Variants in ELAPOR1 observed in about 807,000 individuals in gnomAD.
The protein encoded by ELAPOR1 is endosome/lysosome-associated apoptosis and autophagy regulator 1.
A neutral mutation model predicts 119.7 loss-of-function variants in ELAPOR1; 77 were observed. That is an observed-to-expected ratio of 0.64 (90% confidence interval 0.54 to 0.78). ELAPOR1 has a LOEUF of 0.78. Among genes scored for constraint, ELAPOR1 ranks in the 30% least tolerant of loss-of-function variants. ELAPOR1 has a pLI of 0.00. For synonymous variants in ELAPOR1, 481 were observed against 487.2 expected (o/e 0.99, Z 0.17); for missense variants, 1,115 against 1,270.4 (o/e 0.88, Z 1.86).
At position 109,197,546 on chromosome 1, in the gene ELAPOR1, A is replaced by T; in HGVS notation, c.2194A>T (p.Lys732Ter). The T allele has an allele frequency of 1.2e-6, 2 of 1,614,190 alleles. No individual in the cohort carries two copies. Among genetic ancestry groups the T allele is most frequent in the Non-Finnish European group, 1.7e-6 (2 of 1,180,032 alleles). ...TCCTGAGGGTGAGTCAGGGTTCTCC[A>T]AATCTATCACAGCCTACGTCTGCCA... is the stretch of plus-strand genomic sequence containing the variant. ...RIPEGESGFS[K>*]SITAYVCQAV... Residue 732 changes from lysine to a stop codon, truncating the protein, a stop_gained, in exon 16 of 22, where the codon AAA (lysine) becomes TAA (stop). Coordinates refer to ENST00000369939, the MANE Select transcript of ELAPOR1 (RefSeq NM_020775.5). LOFTEE classifies it high-confidence loss of function.
At chr1:109,175,343 C>G (rs1570686977) in intron 7 of ELAPOR1, among the ~76,000 whole-genome samples, 1 of 151,290 alleles carries the variant, frequency 6.6e-6, no homozygotes, top group Admixed American at 6.6e-5. Flanking sequence ...GCTGGGATTA[C>G]AGGCGTGCAC....
At chr1:109,199,303 C>T (rs967711527) in intron 18 of ELAPOR1, among the ~76,000 whole-genome samples, 3 of 152,188 alleles carry the variant, frequency 2.0e-5, no homozygotes, top group Admixed American at 6.5e-5. Flanking sequence ...TTGAGGAAGA[C>T]GTTTTGGATA....
chr1:109,185,919 G>C (rs1396265347), intron 8 of ELAPOR1, among the ~76,000 whole-genome samples: 1 of 152,194 alleles, frequency 6.6e-6, no homozygotes, highest in Non-Finnish European at 1.5e-5. Context: ...CTCTGTGCCA[G>C]GCACGGTGCT....
intron 7 of ELAPOR1, among the ~76,000 whole-genome samples, chr1:109,180,625 A>T (rs1219802991): frequency 6.6e-6 from 1 of 152,234 alleles, no homozygotes; most frequent in Non-Finnish European, 1.5e-5. Flanking sequence ...CAGTAATTTT[A>T]TTAATTCATT....
intron 1 of ELAPOR1, among the ~76,000 whole-genome samples, chr1:109,153,486 G>T (rs1389992857): frequency 6.6e-6 from 1 of 152,182 alleles, no homozygotes; most frequent in African/African-American, 2.4e-5. Flanking sequence ...ATGGAAAAAA[G>T]TCAGAAAACA....
chr1:109,196,449 T>C (rs2478762), intron 15 of ELAPOR1, among the ~76,000 whole-genome samples: 106,953 of 152,104 alleles, frequency 0.7, 39,182 homozygotes, highest in East Asian at 0.97. Context: ...GTAGCAAAAG[T>C]GTCATTCAGT....
At chr1:109,114,373 C>A (rs1647836908) in intron 1 of ELAPOR1, 37 bp downstream of exon 1, 2 of 1,532,404 alleles carry the variant, frequency 1.3e-6, no homozygotes, top group African/African-American at 2.8e-5. Context: ...GCTTTGGTCA[C>A]AAAAGTCTTG....
At chr1:109,140,758 A>C (rs1475496527) in intron 1 of ELAPOR1, among the ~76,000 whole-genome samples, 1 of 152,252 alleles carries the variant, frequency 6.6e-6, no homozygotes, top group Non-Finnish European at 1.5e-5. Context: ...GACAATGCTG[A>C]GACTGGTATT....
At position 109,194,427 on chromosome 1, in the gene ELAPOR1, T is replaced by A. The variant is rs1472368783; in HGVS notation, c.1954T>A (p.Ser652Thr). The A allele has an allele frequency of 6.2e-7, 1 of 1,613,404 alleles. No individual in the cohort carries two copies. Among genetic ancestry groups the A allele is most frequent in the African/African-American group, 1.3e-5 (1 of 74,880 alleles). ...GPGTKNNKIH[S>T]LCYNDCTFSR... The stretch of plus-strand genomic sequence containing the variant: ...CCGTCCCTCTCCCCCTCAGATCCAC[T>A]CTCTGTGCTACAACGATTGCACCTT... Residue 652 changes from serine to threonine, a missense_variant, in exon 15 of 22, where the codon TCT becomes ACT. Coordinates refer to ENST00000369939, the MANE Select transcript of ELAPOR1 (RefSeq NM_020775.5).
chr1:109,120,986 C>T (rs1648371252), intron 1 of ELAPOR1, among the ~76,000 whole-genome samples: 1 of 152,182 alleles, frequency 6.6e-6, no homozygotes. Flanking sequence ...ATCTACTGCT[C>T]TCTATTCTAT....
intron 1 of ELAPOR1, among the ~76,000 whole-genome samples, chr1:109,140,346 G>C (rs1454891705): frequency 6.6e-6 from 1 of 152,136 alleles, no homozygotes; most frequent in Non-Finnish European, 1.5e-5. Context: ...TTATGGCTAG[G>C]GTGCAGGGTT....
chr1:109,200,976 C>A, intron 21 of ELAPOR1, 76 bp downstream of exon 21: 9 of 1,406,578 alleles, frequency 6.4e-6, no homozygotes, highest in Non-Finnish European at 8.7e-6. Context: ...ACTGAATGGT[C>A]CTGTACCGTT....
At chr1:109,141,550 C>T (rs932500915) in intron 1 of ELAPOR1, among the ~76,000 whole-genome samples, 46 of 152,116 alleles carry the variant, frequency 3.0e-4, no homozygotes, top group African/African-American at 1.1e-3. Flanking sequence ...AGTGAGCCAC[C>T]GCCCAGCCCA....
At chr1:109,132,635 C>T (rs1337636610) in intron 1 of ELAPOR1, among the ~76,000 whole-genome samples, 1 of 152,056 alleles carries the variant, frequency 6.6e-6, no homozygotes, top group Non-Finnish European at 1.5e-5. Context: ...GATAACTGAG[C>T]GAGGCCTGAA....
intron 8 of ELAPOR1, among the ~76,000 whole-genome samples, chr1:109,185,336 G>A (rs908353767): frequency 2.0e-5 from 3 of 152,114 alleles, no homozygotes; most frequent in African/African-American, 7.2e-5. Flanking sequence ...AACTGTTTTT[G>A]CAGCGTTTGT....
intron 5 of ELAPOR1, among the ~76,000 whole-genome samples, chr1:109,173,246 G>T (rs1466353339): frequency 6.6e-6 from 1 of 152,180 alleles, no homozygotes; most frequent in East Asian, 1.9e-4. Context: ...GATGCTCATG[G>T]TATATATGAT....
chr1:109,137,376 G>GT (rs1649539714), intron 1 of ELAPOR1, among the ~76,000 whole-genome samples: 2 of 151,582 alleles, frequency 1.3e-5, no homozygotes, highest in Admixed American at 1.3e-4. Flanking sequence ...GCTAATTTTT[G>GT]TATTTTTAGT....
chr1:109,153,903 T>C (rs1280666533), intron 1 of ELAPOR1, among the ~76,000 whole-genome samples: 2 of 152,156 alleles, frequency 1.3e-5, no homozygotes, highest in Non-Finnish European at 2.9e-5. Flanking sequence ...TTTTATTTTC[T>C]TTTTTATTCT....
At chr1:109,143,257 T>C (rs1422955058) in intron 1 of ELAPOR1, among the ~76,000 whole-genome samples, 2 of 152,152 alleles carry the variant, frequency 1.3e-5, no homozygotes, top group Non-Finnish European at 2.9e-5. Context: ...GCCCATACAA[T>C]GGAATATGAT....
Sources: gnomAD v4.1 joint callset for allele counts (sites outside exome capture counted in the v4.1 genomes callset) on GRCh38, gnomAD v4.1.1 for gene constraint, MANE v1.5 for transcripts, NCBI Gene and HGNC (gene_info 2026-07-23, HGNC 2026-07-21) for gene names.